The following METTL23 variants were observed in gnomAD, a reference collection of about 807,000 sequenced individuals.
METTL23 encodes methyltransferase 23, arginine.
METTL23 carries 24 observed loss-of-function variants against 21.2 expected under a neutral mutation model. The ratio of observed to expected loss-of-function variants is 1.13; its 90% CI spans 0.82 to 1.59. The LOEUF (loss-of-function observed/expected upper bound fraction) is 1.59, where lower values mean the gene tolerates loss of function less well. Among genes scored for constraint, METTL23 ranks in the 40% most tolerant of loss-of-function variants. The pLI, the probability that METTL23 is intolerant of heterozygous loss-of-function variation, is 0.00. For synonymous variants in METTL23, 97 were observed against 75.2 expected, an observed-to-expected ratio of 1.29 and a Z score of -1.50; for missense variants, 276 against 221.4, an observed-to-expected ratio of 1.25 and a Z score of -1.57.
At chr17:76,727,512 A>G (rs1010606737) in intron 1 of METTL23, among the ~76,000 whole-genome samples, 2 of 152,168 alleles carry the variant, frequency 1.3e-5, no homozygotes, top group Admixed American at 6.5e-5. Context: ...CTTTCTCCAC[A>G]TCGAATCTTT....
rs1358658192 is a variant in METTL23, at chr17:76,727,196, C to T, written c.-22+18C>T. On this transcript the variant is annotated intron_variant, in intron 1 of 4. Coordinates refer to ENST00000341249, the MANE Select transcript of METTL23 (RefSeq NM_001080510.5). ...TCCCGCAGGTGCGTGCAGCAGCACC[C>T]GCCAGGAGGCGCCTGAGGTCAGGAG... 8 of 383,870 alleles carry T rather than the reference C, an allele frequency of 2.1e-5. No individual in the cohort carries two copies. Among genetic ancestry groups the T allele is most frequent in the Admixed American group, 6.5e-5 (2 of 30,694 alleles). The allele number at this position is 383,870 out of a possible 1,614,324, so 23.8% of individuals were successfully genotyped here. A position where few individuals can be genotyped will look rare whatever the true frequency, so the allele number is the denominator to read the frequency against.
At chr17:76,731,546 C>T (rs943019740) in intron 2 of METTL23, among the ~76,000 whole-genome samples, 2 of 152,168 alleles carry the variant, frequency 1.3e-5, no homozygotes, top group African/African-American at 2.4e-5. Context: ...TGGGTGAACA[C>T]ATTCAGACCG....
Position 76,727,285 on chromosome 17 carries a change from C to T in METTL23, c.-22+107C>T, listed in dbSNP as rs200566502. 1.0e-4 allele frequency: 36 copies of T among 347,374 alleles called. 1 individual carries two copies. The highest frequency in any genetic ancestry group is 1.0e-3 in the East Asian group (13 of 12,874). The allele number at this position is 347,374 out of a possible 1,614,324, so 21.5% of individuals were successfully genotyped here. A position where few individuals can be genotyped will look rare whatever the true frequency, so the allele number is the denominator to read the frequency against. ...GGGGTGCGGACGCTCAGCTGCGCAGCTTCCTGCTTTAGGTTGACCCCCGGA... is the reference window on the plus strand; with the variant it reads ...GGGGTGCGGACGCTCAGCTGCGCAGTTTCCTGCTTTAGGTTGACCCCCGGA... On this transcript the variant is annotated intron_variant, in intron 1 of 4. Coordinates refer to ENST00000341249, the MANE Select transcript of METTL23 (RefSeq NM_001080510.5).
chr17:76,729,378 G>C (rs2077101615), intron 1 of METTL23, among the ~76,000 whole-genome samples: 1 of 152,176 alleles, frequency 6.6e-6, no homozygotes, highest in Admixed American at 6.5e-5. Flanking sequence ...ACCGTGCCCG[G>C]CCCCTGACTA....
chr17:76,732,175 T>C (rs1046668222), intron 2 of METTL23, among the ~76,000 whole-genome samples: 19 of 144,466 alleles, frequency 1.3e-4, no homozygotes, highest in Non-Finnish European at 2.2e-4. Flanking sequence ...CTGGCCAACA[T>C]GGTGAAACCC....
intron 2 of METTL23, among the ~76,000 whole-genome samples, chr17:76,731,398 A>C (rs1383957185): frequency 6.6e-6 from 1 of 152,196 alleles, no homozygotes; most frequent in Non-Finnish European, 1.5e-5. Flanking sequence ...CTGTGTTCTT[A>C]AGTGTCTTGT....
Position 76,733,375 on chromosome 17 carries a change from G to C in METTL23, c.405G>C (p.Arg135Ser), listed in dbSNP as rs1349553174. The C allele has an allele frequency of 5.6e-6, 9 of 1,613,758 alleles. No homozygotes were observed. The highest frequency in any genetic ancestry group is 6.8e-6 in the Non-Finnish European group (8 of 1,179,784). The change falls in exon 4 of 5, where the codon AGG becomes AGC. Residue 135 changes from arginine to serine, a missense_variant and splice_region_variant. Transcript: ENST00000341249. ...KVQLWSTYQV[R>S]SADWSLEALL... ...AATTGTGGTCTACTTATCAAGTTAG[G>C]AGGCAAGTATGGATGACCCTTACTT...
chr17:76,726,390 T>C, upstream of METTL23: 1 of 1,605,126 alleles, frequency 6.2e-7, no homozygotes, highest in Non-Finnish European at 8.5e-7. Flanking sequence ...GTAGTAGTTG[T>C]GCCGGGTCCA....
chr17:76,726,328 C>A (rs768930703), upstream of METTL23: 7 of 1,555,750 alleles, frequency 4.5e-6, no homozygotes, highest in South Asian at 1.2e-5. Flanking sequence ...GCCTGGCCAC[C>A]CCCGCCCGAC....
At position 76,733,174 on chromosome 17, in the gene METTL23, A is replaced by C. The variant is rs768558354; in HGVS notation, c.281A>C (p.Gln94Pro). ...ISWDLLALPPQDIILASDVFF... is the reference protein window; with the variant it reads ...ISWDLLALPPPDIILASDVFF... Reference sequence around the variant, plus strand: ...TGGGATCTTCTGGCTCTACCACCACAAGATATTATCCTTGCATCTGATGTG... The same window carrying C: ...TGGGATCTTCTGGCTCTACCACCACCAGATATTATCCTTGCATCTGATGTG... The change falls in exon 3 of 5, where the codon CAA becomes CCA. Residue 94 changes from glutamine to proline, a missense_variant. Gln to Pro is a moderately conservative substitution (Grantham distance 76, BLOSUM62 -1). Coordinates refer to ENST00000341249, the MANE Select transcript of METTL23 (RefSeq NM_001080510.5). The C allele has an allele frequency of 6.2e-7, 1 of 1,613,934 alleles. No homozygotes were observed. The highest frequency in any genetic ancestry group is 1.1e-5 in the South Asian group (1 of 91,044).
intron 2 of METTL23, chr17:76,732,527 C>CA (rs1033621565): frequency 5.9e-6 from 1 of 168,274 alleles, no homozygotes; most frequent in Admixed American, 5.7e-5. Flanking sequence ...GCTTGGTGGC[C>CA]AGTTACTCAG....
chr17:76,726,411 T>G, upstream of METTL23: 6 of 1,604,492 alleles, frequency 3.7e-6, no homozygotes, highest in Non-Finnish European at 5.1e-6. Flanking sequence ...ATCCAGCGAG[T>G]CCTTGAGCTC....
upstream of METTL23, chr17:76,726,294 A>G: frequency 6.6e-7 from 1 of 1,517,220 alleles, no homozygotes; most frequent in Non-Finnish European, 8.8e-7. Flanking sequence ...AAAGGTGCGT[A>G]GCGGCTGGAG....
chr17:76,726,632 C>T, upstream of METTL23: 2 of 991,306 alleles, frequency 2.0e-6, no homozygotes, highest in South Asian at 1.8e-5. Context: ...AAAATTCACT[C>T]CCCAGCCACC....
chr17:76,726,347 C>T, upstream of METTL23: 1 of 1,578,532 alleles, frequency 6.3e-7, no homozygotes, highest in Non-Finnish European at 8.6e-7. Flanking sequence ...ACCCGCTCAC[C>T]GCCACGGCCG....
rs2077293768 is a variant in METTL23 at position 76,733,004 on chromosome 17, A to G, written c.111A>G (p.Gly37=). ...TTGGAGCTGGAGTGAGCCTTCCAGG[A>G]ATTTTGGCTGCCAAATGTGGTGCAG... The part of the protein sequence containing the change: ...LEIGAGVSLP[G]ILAAKCGAEV... Residue 37 remains glycine, a synonymous_variant, in exon 3 of 5, where the codon GGA becomes GGG. Coordinates refer to ENST00000341249, the MANE Select transcript of METTL23 (RefSeq NM_001080510.5). The G allele has an allele frequency of 6.3e-7, 1 of 1,585,094 alleles. No individual in the cohort carries two copies. The highest frequency in any genetic ancestry group is 1.1e-5 in the South Asian group (1 of 87,246).
At chr17:76,726,548 C>T (rs1020257817), upstream of METTL23, 48 of 1,502,328 alleles carry the variant, frequency 3.2e-5, no homozygotes, top group Non-Finnish European at 4.0e-5. Flanking sequence ...CACCCCTCCC[C>T]GGCCTGGGCG....
At chr17:76,726,424 G>A (rs1478175145), upstream of METTL23, 2 of 1,604,334 alleles carry the variant, frequency 1.2e-6, no homozygotes, top group Admixed American at 3.4e-5. Context: ...TTGAGCTCCG[G>A]CCGCGCACTC....
At chr17:76,726,600 C>G (rs1375722763), upstream of METTL23, 1 of 1,332,090 alleles carries the variant, frequency 7.5e-7, no homozygotes, top group Non-Finnish European at 1.0e-6. Context: ...TCAGTCCCGG[C>G]GCCTTTAAAG....
Sources: gnomAD v4.1 joint callset for allele counts (sites outside exome capture counted in the v4.1 genomes callset) on GRCh38, gnomAD v4.1.1 for gene constraint, MANE v1.5 for transcripts, NCBI Gene and HGNC (gene_info 2026-07-23, HGNC 2026-07-21) for gene names.